Variants in EPB41L2 observed in about 807,000 individuals in gnomAD.
EPB41L2 encodes erythrocyte membrane protein band 4.1 like 2.
EPB41L2 carries 43 observed loss-of-function variants against 113.0 expected under a neutral mutation model. The ratio of observed to expected loss-of-function variants is 0.38; its 90% CI spans 0.30 to 0.49. The LOEUF (loss-of-function observed/expected upper bound fraction) is 0.49, where lower values mean the gene tolerates loss of function less well. Ranked by LOEUF, EPB41L2 falls within the 20% of genes least tolerant of loss-of-function variation. The pLI is 0.95. For synonymous variants in EPB41L2, 442 were observed against 436.7 expected (o/e 1.01, Z -0.15); for missense variants, 1,147 against 1,223.4 (o/e 0.94, Z 0.93).
intron 6 of EPB41L2, 70 bp downstream of exon 6, chr6:130,904,395 T>C (rs1378631057): frequency 1.8e-6 from 2 of 1,082,282 alleles, no homozygotes; most frequent in South Asian, 1.7e-5. Context: ...ATTACCACTA[T>C]GCTCCCAGGG....
intron 3 of EPB41L2, among the ~76,000 whole-genome samples, chr6:130,949,587 AAGGGAAGAGG>A (rs1446016338): frequency 2.0e-5 from 3 of 151,790 alleles, no homozygotes; most frequent in Non-Finnish European, 2.9e-5. Context: ...AGGGACAGGG[AAGGGAAGAGG>A]AGGGAAGAGG....
At chr6:130,863,775 A>C (rs370770070) in intron 17 of EPB41L2, 57 bp from the exon 18 acceptor site, 29 of 1,209,050 alleles carry the variant, frequency 2.4e-5, no homozygotes, top group Middle Eastern at 1.9e-4. Flanking sequence ...ACGTTTACAC[A>C]GTCAGAGCAA....
At chr6:130,863,274 G>A in intron 18 of EPB41L2, among the ~76,000 whole-genome samples, 1 of 152,194 alleles carries the variant, frequency 6.6e-6, no homozygotes, top group Non-Finnish European at 1.5e-5. Flanking sequence ...CATAGGTCAA[G>A]CTTAGTGGCT....
At chr6:130,857,549 C>CTTTTTTT (rs10557309) in intron 19 of EPB41L2, among the ~76,000 whole-genome samples, 4 of 72,818 alleles carry the variant, frequency 5.5e-5, no homozygotes, top group Admixed American at 1.9e-4. Flanking sequence ...TCAGATGTAT[C>CTTTTTTT]TTTTTTTTTT....
At chr6:130,882,662 G>C (rs1376520217) in intron 12 of EPB41L2, 1 of 153,004 alleles carries the variant, frequency 6.5e-6, no homozygotes, top group Non-Finnish European at 1.5e-5. Flanking sequence ...CTGAGAAGCA[G>C]ACAGAAGTAG....
intron 1 of EPB41L2, among the ~76,000 whole-genome samples, chr6:131,004,848 C>T (rs1378914363): frequency 6.6e-6 from 1 of 152,188 alleles, no homozygotes. Flanking sequence ...GAATGTAGCC[C>T]TCCTGCTTCC....
Position 130,972,406 on chromosome 6 carries a change from T to C in EPB41L2, c.-14-15907A>G, listed in dbSNP as rs1212130878. Among the ~76,000 whole-genome samples, 34 of 140,552 alleles carry C rather than the reference T, an allele frequency of 2.4e-4. No individual in the cohort carries two copies. The Admixed American group carries it at 2.4e-3, about 10-fold the overall frequency. 92.2% of individuals were successfully genotyped at this position (140,552 alleles called of 152,430 possible). ...CACCTATCATATGACTCTAAAGAAA[T>C]ATGGAAGCAACATAAATGTAAAGTC... On this transcript the variant is annotated intron_variant, in intron 1 of 19. Transcript: ENST00000337057.
chr6:130,869,481 G>A, intron 15 of EPB41L2, 82 bp downstream of exon 15: 3 of 1,243,606 alleles, frequency 2.4e-6, no homozygotes, highest in South Asian at 2.9e-5. Flanking sequence ...TGAAGAACTG[G>A]GAGGACAGGA....
intron 3 of EPB41L2, among the ~76,000 whole-genome samples, chr6:130,951,048 G>C (rs1023931197): frequency 6.6e-6 from 1 of 151,978 alleles, no homozygotes; most frequent in Non-Finnish European, 1.5e-5. Context: ...AAGATGGTGA[G>C]GAGTTTGAGA....
rs1182104592 is a variant in EPB41L2 at position 130,956,325 on chromosome 6, T to C, written c.161A>G (p.Glu54Gly). The C allele has an allele frequency of 1.2e-6, 2 of 1,614,188 alleles. No individual in the cohort carries two copies. Among genetic ancestry groups the C allele is most frequent in the South Asian group, 2.2e-5 (2 of 91,080 alleles). The change falls in exon 2 of 20, where the codon GAA becomes GGA. Residue 54 changes from glutamate (E) to glycine (G), a missense_variant. Glu to Gly is a moderately conservative substitution (Grantham distance 98). Transcript: ENST00000337057. ...CTGGCGGCGTAGACTACTTTGGCTTTCAGCTGCAGGAGGTGGCTGGGAACC... is the reference window on the plus strand; with the variant it reads ...CTGGCGGCGTAGACTACTTTGGCTTCCAGCTGCAGGAGGTGGCTGGGAACC... Reference protein sequence around the residue: ...EKGSQPPPAAESQSSLRRQKR... With the variant: ...EKGSQPPPAAGSQSSLRRQKR...
chr6:130,929,549 A>G (rs1302114617), intron 3 of EPB41L2, among the ~76,000 whole-genome samples: 1 of 152,150 alleles, frequency 6.6e-6, no homozygotes, highest in South Asian at 2.1e-4. Context: ...TTATTGACCC[A>G]TATGTGTCAG....
chr6:130,921,097 AG>A (rs1802727933), intron 4 of EPB41L2, among the ~76,000 whole-genome samples: 1 of 152,104 alleles, frequency 6.6e-6, no homozygotes, highest in African/African-American at 2.4e-5. Flanking sequence ...TTACCTACAC[AG>A]AATCTCTGTC....
intron 12 of EPB41L2, among the ~76,000 whole-genome samples, chr6:130,884,212 G>A (rs1180669021): frequency 6.6e-6 from 1 of 152,060 alleles, no homozygotes; most frequent in Non-Finnish European, 1.5e-5. Context: ...GCAGGCGCCT[G>A]TAATCCCAGC....
rs2128448254 is a variant in EPB41L2, at chr6:130,870,038, C to T, written c.2132G>A (p.Gly711Asp). 2 of 1,614,014 alleles carry T rather than the reference C, an allele frequency of 1.2e-6. No individual in the cohort carries two copies. Among genetic ancestry groups the T allele is most frequent in the South Asian group, 2.2e-5 (2 of 91,074 alleles). ...ACCACTCCCAGGTGATATCTCTTTA[C>T]CATTCATTTCTTCTGTGATTACTCT... ...DERVITEEMN[G>D]KEISPGSGPG... Residue 711 changes from glycine (G) to aspartate (D), a missense_variant, in exon 15 of 20, where the codon GGT becomes GAT. By Grantham distance (94) the Gly-to-Asp change is moderately conservative. Transcript: ENST00000337057.
intron 1 of EPB41L2, among the ~76,000 whole-genome samples, chr6:131,027,627 A>G (rs1791183246): frequency 3.3e-5 from 5 of 152,248 alleles, no homozygotes; most frequent in Admixed American, 3.3e-4. Flanking sequence ...TCATAGCAAT[A>G]GGGCTGGCAT....
chr6:130,910,114 C>T (rs1164648240), intron 4 of EPB41L2, among the ~76,000 whole-genome samples: 1 of 152,152 alleles, frequency 6.6e-6, no homozygotes, highest in East Asian at 1.9e-4. Context: ...TATCACACTA[C>T]CTGACTTCAA....
chr6:130,966,065 C>T (rs183884497), intron 1 of EPB41L2, among the ~76,000 whole-genome samples: 3 of 152,094 alleles, frequency 2.0e-5, no homozygotes, highest in Admixed American at 2.0e-4. Context: ...TAATAATGAT[C>T]TAAGAAAGTT....
rs186025513 is a variant in EPB41L2 at position 130,937,833 on chromosome 6, A to C, written c.706-11124T>G. ...TCCATCTCAAAAAGAAAAAAAAAAA[A>C]AAGATTAACACAGCCTGCTAAAATA... On this transcript the variant is annotated intron_variant, in intron 3 of 19. Transcript: ENST00000337057. Among the ~76,000 whole-genome samples, 1,292 of 150,470 alleles carry C rather than the reference A, an allele frequency of 8.6e-3. 11 individuals are homozygous for C. The highest frequency in any genetic ancestry group is 0.021 in the South Asian group (100 of 4,798).
intron 1 of EPB41L2, among the ~76,000 whole-genome samples, chr6:131,051,751 G>A (rs1451342374): frequency 1.3e-5 from 2 of 152,154 alleles, no homozygotes; most frequent in African/African-American, 4.8e-5. Flanking sequence ...AAAATTTGAA[G>A]GGAAGGTAAT....
Sources: allele counts gnomAD v4.1 joint callset (sites outside exome capture counted in the v4.1 genomes callset), GRCh38; gene constraint gnomAD v4.1.1; transcripts MANE v1.5; gene names NCBI Gene and HGNC (gene_info 2026-07-23, HGNC 2026-07-21).